The following FOCAD variants were observed in gnomAD, a reference collection of about 807,000 sequenced individuals.
The protein encoded by FOCAD is KIAA1797.
FOCAD carries 198 observed loss-of-function variants against 225.6 expected under a neutral mutation model. The observed-to-expected ratio is 0.88, with a 90% CI of 0.78 to 0.99. The LOEUF (loss-of-function observed/expected upper bound fraction) is 0.99, where lower values mean the gene tolerates loss of function less well. Ranked by LOEUF, FOCAD falls within the 50% of genes least tolerant of loss-of-function variation. The pLI is 0.00. For missense variants in FOCAD, 2,713 were observed against 2,123.6 expected (o/e 1.28, Z -5.46); for synonymous variants, 897 against 755.0 (o/e 1.19, Z -3.08).
Position 20,855,587 on chromosome 9 carries a change from T to C in FOCAD, c.1921-6991T>C, listed in dbSNP as rs145513339. On this transcript the variant is annotated intron_variant, in intron 15 of 43. Transcript: ENST00000338382. ...GTATCCATCACCTCAAGCATTATCA[T>C]TTATCTGTGTTTGAAACATTTCAAT... Among the ~76,000 whole-genome samples the C allele has an allele frequency of 2.6e-3, 389 of 151,848 alleles. 3 individuals carry two copies. The highest frequency in any genetic ancestry group is 4.0e-3 in the Admixed American group (61 of 15,216).
intron 10 of FOCAD, among the ~76,000 whole-genome samples, chr9:20,786,558 T>C (rs1203493002): frequency 7.2e-5 from 11 of 152,228 alleles, no homozygotes; most frequent in Non-Finnish European, 1.6e-4. Flanking sequence ...TAAAGGTCTA[T>C]ATGTTTGAGT....
At chr9:20,785,051 A>G (rs1022769221) in intron 10 of FOCAD, among the ~76,000 whole-genome samples, 2 of 152,042 alleles carry the variant, frequency 1.3e-5, no homozygotes, top group African/African-American at 4.8e-5. Context: ...TTTATTGAGC[A>G]TTTCATATGT....
intron 11 of FOCAD, among the ~76,000 whole-genome samples, chr9:20,806,602 G>T (rs1035214939): frequency 2.0e-5 from 3 of 151,976 alleles, no homozygotes; most frequent in Non-Finnish European, 4.4e-5. Context: ...CTTTCCCTCG[G>T]GGGCATTGTA....
intron 2 of FOCAD, among the ~76,000 whole-genome samples, chr9:20,663,610 A>C (rs756734561): frequency 1.3e-5 from 2 of 152,210 alleles, no homozygotes; most frequent in Non-Finnish European, 2.9e-5. Context: ...AACAATTCTA[A>C]GACATGGGCC....
chr9:20,968,140 T>C (rs543943618), intron 35 of FOCAD, among the ~76,000 whole-genome samples: 2 of 152,266 alleles, frequency 1.3e-5, no homozygotes, highest in South Asian at 4.1e-4. Context: ...TTACTTGTTA[T>C]AGGTCTGTTA....
At chr9:20,896,711 T>G (rs1259860066) in intron 21 of FOCAD, among the ~76,000 whole-genome samples, 1 of 151,924 alleles carries the variant, frequency 6.6e-6, no homozygotes, top group South Asian at 2.1e-4. Context: ...TGTAGTGATA[T>G]CCCGTCTTTC....
intron 37 of FOCAD, among the ~76,000 whole-genome samples, chr9:20,979,050 G>A (rs930561184): frequency 6.6e-5 from 10 of 152,212 alleles, no homozygotes; most frequent in South Asian, 2.1e-4. Context: ...CACCTTTCAC[G>A]TATAGGCCAA....
intron 11 of FOCAD, among the ~76,000 whole-genome samples, chr9:20,793,673 C>G (rs967446468): frequency 2.0e-5 from 3 of 152,140 alleles, no homozygotes; most frequent in Non-Finnish European, 4.4e-5. Flanking sequence ...AAACTGCATT[C>G]AGAACAGTGG....
chr9:20,960,049 C>A (rs572407562), intron 35 of FOCAD, among the ~76,000 whole-genome samples: 3 of 151,970 alleles, frequency 2.0e-5, no homozygotes, highest in African/African-American at 7.3e-5. Context: ...ATCAACAATC[C>A]CAGTGATGTT....
chr9:20,888,364 C>G (rs1831306998), intron 21 of FOCAD, among the ~76,000 whole-genome samples: 1 of 151,936 alleles, frequency 6.6e-6, no homozygotes, highest in Non-Finnish European at 1.5e-5. Context: ...GTCTCAAACT[C>G]CTGACCTCAT....
chr9:20,926,825 A>G (rs1196981393), intron 26 of FOCAD, among the ~76,000 whole-genome samples: 3 of 151,414 alleles, frequency 2.0e-5, no homozygotes, highest in Non-Finnish European at 1.5e-5. Context: ...GAAATCCATT[A>G]TATAGTGTAA....
chr9:20,867,154 C>A, intron 18 of FOCAD, 142 bp downstream of exon 18: 2 of 533,614 alleles, frequency 3.7e-6, no homozygotes, highest in Non-Finnish European at 6.5e-6. Flanking sequence ...AATTCATACC[C>A]ATTATTTGTT....
In FOCAD at chr9:20,941,541, G is replaced by A. The variant is rs975482100; in HGVS notation, c.3408-3086G>A. ...GATTAATTTTAAAAAATATATATCT[G>A]AGTTGATGCAGCAACACAAATATCA... is the stretch of plus-strand genomic sequence containing the variant. On this transcript the variant is annotated intron_variant, in intron 28 of 43. Transcript: ENST00000338382. 9.2e-5 allele frequency among the ~76,000 whole-genome samples: 14 copies of A among 152,150 alleles called. 1 individual carries two copies. The highest frequency in any genetic ancestry group is 1.5e-5 in the Non-Finnish European group (1 of 68,014).
At chr9:20,919,006 G>A (rs969898905) in intron 24 of FOCAD, among the ~76,000 whole-genome samples, 2 of 151,962 alleles carry the variant, frequency 1.3e-5, no homozygotes, top group Non-Finnish European at 2.9e-5. Context: ...GGCTTGTTTT[G>A]TTCAGAGCTA....
At chr9:20,747,692 C>G (rs1033879072) in intron 5 of FOCAD, among the ~76,000 whole-genome samples, 1 of 152,046 alleles carries the variant, frequency 6.6e-6, no homozygotes, top group Non-Finnish European at 1.5e-5. Context: ...TTTCACTTAG[C>G]ATAATGTTTT....
intron 9 of FOCAD, among the ~76,000 whole-genome samples, chr9:20,781,243 T>C (rs953702073): frequency 6.6e-6 from 1 of 152,236 alleles, no homozygotes; most frequent in Non-Finnish European, 1.5e-5. Flanking sequence ...TTCTGGACTT[T>C]GGGACTTTCA....
chr9:20,686,223 C>T (rs923938995), intron 1 of FOCAD, among the ~76,000 whole-genome samples: 1 of 152,206 alleles, frequency 6.6e-6, no homozygotes, highest in African/African-American at 2.4e-5. Context: ...GTGCTGCGAT[C>T]TCGGCTCACT....
At chr9:20,663,436 G>A (rs1281479161) in intron 2 of FOCAD, among the ~76,000 whole-genome samples, 3 of 150,870 alleles carry the variant, frequency 2.0e-5, no homozygotes, top group Admixed American at 6.6e-5. Flanking sequence ...TTCTATCAGC[G>A]GTCCATATTA....
At chr9:20,735,191 G>A (rs964305761) in intron 4 of FOCAD, among the ~76,000 whole-genome samples, 1 of 151,838 alleles carries the variant, frequency 6.6e-6, no homozygotes, top group African/African-American at 2.4e-5. Context: ...TTCTTGTTTT[G>A]TGGGCATGTA....
Sources: allele counts gnomAD v4.1 joint callset (sites outside exome capture counted in the v4.1 genomes callset), GRCh38; gene constraint gnomAD v4.1.1; transcripts MANE v1.5; gene names NCBI Gene and HGNC (gene_info 2026-07-23, HGNC 2026-07-21).